Variants in PLPP3 observed in about 807,000 individuals in gnomAD.
The protein encoded by PLPP3 is phospholipid phosphatase 3.
In PLPP3, 6 loss-of-function variants were observed where a neutral mutation model predicts 29.6. The observed-to-expected ratio is 0.20, with a 90% CI of 0.11 to 0.40. The LOEUF is 0.40. PLPP3 is among the 10% of genes least tolerant of loss of function. The pLI, the probability that PLPP3 is intolerant of heterozygous loss-of-function variation, is 1.00. For missense variants in PLPP3, 308 were observed against 407.7 expected (o/e 0.76, Z 2.11); for synonymous variants, 152 against 159.7 (o/e 0.95, Z 0.36).
In PLPP3 at chr1:56,556,001, T is replaced by C. The variant is rs200850256; in HGVS notation, c.140-18889A>G. Among the ~76,000 whole-genome samples the C allele has an allele frequency of 3.6e-4, 55 of 152,298 alleles. No homozygotes were observed. The East Asian group carries it at 5.0e-3, about 14-fold the overall frequency. On this transcript the variant is annotated intron_variant, in intron 1 of 5. Coordinates refer to ENST00000371250, the MANE Select transcript of PLPP3 (RefSeq NM_003713.5). ...CCTGGTTCACAGTATTTTCTATTCA[T>C]GAGTAGGAAACAGGATGTGATGAAA...
At position 56,557,026 on chromosome 1, in the gene PLPP3, A is replaced by AGAAAG. The variant is rs1646085318; in HGVS notation, c.140-19915_140-19914insCTTTC. Among the ~76,000 whole-genome samples the AGAAAG allele has an allele frequency of 2.3e-3, 22 of 9,530 alleles. 5 individuals are homozygous for AGAAAG. The highest frequency in any genetic ancestry group is 9.8e-3 in the East Asian group (5 of 510). 6.3% of individuals were successfully genotyped at this position (9,530 alleles called of 152,430 possible). ...AGAAAGAAAGAGAGAGAGAGAGAGAAAGAGAGAGAGAGAGAGAGAGAGAGA... is the reference window on the plus strand; with the variant it reads ...AGAAAGAAAGAGAGAGAGAGAGAGAAGAAAGAGAGAGAGAGAGAGAGAGAGAGAGA... On this transcript the variant is annotated intron_variant, in intron 1 of 5. Transcript: ENST00000371250.
At chr1:56,539,238 T>C (rs1444057955) in intron 1 of PLPP3, among the ~76,000 whole-genome samples, 1 of 152,168 alleles carries the variant, frequency 6.6e-6, no homozygotes, top group Non-Finnish European at 1.5e-5. Flanking sequence ...GTTTAAAAGA[T>C]AAAATCCCAT....
At chr1:56,542,879 G>A (rs1018283857) in intron 1 of PLPP3, among the ~76,000 whole-genome samples, 6 of 151,328 alleles carry the variant, frequency 4.0e-5, no homozygotes, top group Non-Finnish European at 7.4e-5. Context: ...AAAATTAGCC[G>A]AGTGTGGTGG....
intron 1 of PLPP3, among the ~76,000 whole-genome samples, chr1:56,542,445 G>A (rs952298099): frequency 9.2e-5 from 14 of 152,262 alleles, no homozygotes; most frequent in Admixed American, 7.2e-4. Flanking sequence ...GATGGGAAGG[G>A]TGAAGAAGGA....
chr1:56,526,580 T>C (rs924239995), intron 2 of PLPP3, among the ~76,000 whole-genome samples: 1 of 152,216 alleles, frequency 6.6e-6, no homozygotes, highest in African/African-American at 2.4e-5. Flanking sequence ...TCCTTATTTA[T>C]AAGTCATATG....
intron 2 of PLPP3, among the ~76,000 whole-genome samples, chr1:56,528,139 T>C (rs1388693082): frequency 6.6e-6 from 1 of 152,180 alleles, no homozygotes; most frequent in Non-Finnish European, 1.5e-5. Context: ...GATGGCAGGC[T>C]GCCAGGCAAG....
chr1:56,575,387 T>C (rs2100314560), intron 1 of PLPP3, among the ~76,000 whole-genome samples: 1 of 152,338 alleles, frequency 6.6e-6, no homozygotes, highest in South Asian at 2.1e-4. Context: ...GAACCAGTTC[T>C]AGAATTTTAG....
At chr1:56,501,056 A>C (rs1056744635) in intron 5 of PLPP3, among the ~76,000 whole-genome samples, 3 of 148,508 alleles carry the variant, frequency 2.0e-5, no homozygotes, top group Non-Finnish European at 4.5e-5. Flanking sequence ...ACTAAAATGG[A>C]GACGGAGTCA....
In PLPP3 at chr1:56,552,552, T is replaced by C. The variant is rs140774537; in HGVS notation, c.140-15440A>G. On this transcript the variant is annotated intron_variant, in intron 1 of 5. Transcript: ENST00000371250. ...CTTATTGTGTGCCAGGAGTGAGAAA[T>C]ACTGAGATGAGTAAAACAGGGTTTC... is the stretch of plus-strand genomic sequence containing the variant. Among the ~76,000 whole-genome samples, 418 of 152,202 alleles carry C rather than the reference T, an allele frequency of 2.7e-3. 3 individuals are homozygous for C. The highest frequency in any genetic ancestry group is 9.4e-3 in the African/African-American group (392 of 41,530).
chr1:56,500,884 A>T (rs1425254640), intron 5 of PLPP3, among the ~76,000 whole-genome samples: 1 of 151,944 alleles, frequency 6.6e-6, no homozygotes, highest in African/African-American at 2.4e-5. Context: ...GGTGCCTATA[A>T]TCCCAGCTAC....
intron 5 of PLPP3, 76 bp downstream of exon 5, chr1:56,511,900 A>G (rs981429396): frequency 1.3e-6 from 2 of 1,561,162 alleles, no homozygotes; most frequent in Non-Finnish European, 1.8e-6. Flanking sequence ...CTCTAGCTTT[A>G]GTCACTGAGC....
At chr1:56,508,439 G>C (rs1374653434) in intron 5 of PLPP3, among the ~76,000 whole-genome samples, 4 of 152,162 alleles carry the variant, frequency 2.6e-5, no homozygotes, top group African/African-American at 9.7e-5. Context: ...GGCTCAGGAG[G>C]TTATCTGGCA....
intron 2 of PLPP3, among the ~76,000 whole-genome samples, chr1:56,526,635 A>G (rs1443091889): frequency 1.3e-5 from 2 of 152,224 alleles, no homozygotes; most frequent in Non-Finnish European, 2.9e-5. Context: ...GGAGTCAAGT[A>G]GCCGAGGTTC....
chr1:56,578,616 C>T (rs887080747), intron 1 of PLPP3, among the ~76,000 whole-genome samples: 14 of 152,208 alleles, frequency 9.2e-5, no homozygotes, highest in African/African-American at 3.4e-4. Flanking sequence ...GTGGAGACGA[C>T]TTTTACTGAG....
At chr1:56,517,971 CCT>C (rs1018793542) in intron 4 of PLPP3, among the ~76,000 whole-genome samples, 96 of 152,280 alleles carry the variant, frequency 6.3e-4, no homozygotes, top group African/African-American at 2.2e-3. Flanking sequence ...ACTTCCATCC[CCT>C]GAGTCCACCC....
At chr1:56,575,855 A>G (rs1646231784) in intron 1 of PLPP3, among the ~76,000 whole-genome samples, 1 of 152,236 alleles carries the variant, frequency 6.6e-6, no homozygotes, top group South Asian at 2.1e-4. Context: ...TTACCTGGGA[A>G]TCGTCTGTTG....
intron 1 of PLPP3, among the ~76,000 whole-genome samples, chr1:56,544,192 A>G (rs990452985): frequency 1.3e-5 from 2 of 152,218 alleles, no homozygotes; most frequent in African/African-American, 4.8e-5. Context: ...AATTAACATC[A>G]GCCTCCTTAA....
At chr1:56,532,110 T>C (rs1930762) in intron 2 of PLPP3, among the ~76,000 whole-genome samples, 76,838 of 151,960 alleles carry the variant, frequency 0.51, 19,695 homozygotes, top group African/African-American at 0.58. Context: ...AGAGTGAGTG[T>C]GGGTGGTGGA....
At chr1:56,545,853 T>G (rs1646002303) in intron 1 of PLPP3, among the ~76,000 whole-genome samples, 2 of 151,844 alleles carry the variant, frequency 1.3e-5, no homozygotes, top group African/African-American at 4.8e-5. Context: ...ATCGAGATAG[T>G]CAAAAGGCAA....
Sources: allele counts gnomAD v4.1 joint callset (sites outside exome capture counted in the v4.1 genomes callset), GRCh38; gene constraint gnomAD v4.1.1; transcripts MANE v1.5; gene names NCBI Gene and HGNC (gene_info 2026-07-23, HGNC 2026-07-21).